The following CSGALNACT1 variants were observed in gnomAD, a reference collection of about 807,000 sequenced individuals.
The protein encoded by CSGALNACT1 is beta4GalNAcT-1.
A neutral mutation model predicts 51.0 loss-of-function variants in CSGALNACT1; 52 were observed. The ratio of observed to expected loss-of-function variants is 1.02; its 90% confidence interval spans 0.82 to 1.29. The LOEUF is 1.29. Ranked by LOEUF, CSGALNACT1 falls within the 50% of genes most tolerant of loss-of-function variation. The pLI is 0.00. For synonymous variants in CSGALNACT1, 341 were observed against 254.4 expected, an observed-to-expected ratio of 1.34 and a Z score of -3.24; for missense variants, 935 against 679.2, an observed-to-expected ratio of 1.38 and a Z score of -4.19.
chr8:19,575,762 T>G (rs965308768), intron 3 of CSGALNACT1, among the ~76,000 whole-genome samples: 3 of 152,174 alleles, frequency 2.0e-5, no homozygotes, highest in Admixed American at 6.5e-5. Context: ...GGATTTACTT[T>G]AAAATATTCC....
At chr8:19,424,314 A>G (rs2058442245) in intron 6 of CSGALNACT1, among the ~76,000 whole-genome samples, 1 of 152,120 alleles carries the variant, frequency 6.6e-6, no homozygotes, top group African/African-American at 2.4e-5. Context: ...CATTATGCTC[A>G]GCTAGGGGTC....
At chr8:19,561,464 G>T (rs1450664474) in intron 3 of CSGALNACT1, among the ~76,000 whole-genome samples, 6 of 152,130 alleles carry the variant, frequency 3.9e-5, no homozygotes, top group Non-Finnish European at 5.9e-5. Context: ...CTATGTATGA[G>T]TCCCTCTCCG....
At chr8:19,710,243 C>G (rs2062420878) in intron 1 of CSGALNACT1, among the ~76,000 whole-genome samples, 1 of 152,164 alleles carries the variant, frequency 6.6e-6, no homozygotes, top group African/African-American at 2.4e-5. Context: ...ATTAACACAG[C>G]ATGACTATAT....
intron 4 of CSGALNACT1, among the ~76,000 whole-genome samples, chr8:19,500,574 G>A (rs552227033): frequency 6.1e-4 from 93 of 152,294 alleles, no homozygotes; most frequent in Non-Finnish European, 1.2e-3. Flanking sequence ...CTCATCCAGA[G>A]AAGCTTTAGC....
At chr8:19,576,744 C>T (rs2044313702) in intron 3 of CSGALNACT1, among the ~76,000 whole-genome samples, 1 of 152,094 alleles carries the variant, frequency 6.6e-6, no homozygotes, top group Non-Finnish European at 1.5e-5. Context: ...ATTGCCCCAT[C>T]AGTCTTACCT....
intron 4 of CSGALNACT1, among the ~76,000 whole-genome samples, chr8:19,468,864 G>C (rs1406640740): frequency 6.6e-6 from 1 of 152,176 alleles, no homozygotes; most frequent in Non-Finnish European, 1.5e-5. Flanking sequence ...ATGTGGGTCA[G>C]GTCAGCCAGG....
At chr8:19,647,037 C>T (rs2057342673) in intron 1 of CSGALNACT1, among the ~76,000 whole-genome samples, 1 of 152,092 alleles carries the variant, frequency 6.6e-6, no homozygotes, top group Non-Finnish European at 1.5e-5. Flanking sequence ...CCACCGAGCA[C>T]CTGTAAGCCT....
At chr8:19,696,563 T>C (rs1276273821) in intron 1 of CSGALNACT1, among the ~76,000 whole-genome samples, 2 of 152,214 alleles carry the variant, frequency 1.3e-5, no homozygotes, top group African/African-American at 2.4e-5. Flanking sequence ...ACAGTGGTTA[T>C]GAACCCAAAC....
intron 1 of CSGALNACT1, among the ~76,000 whole-genome samples, chr8:19,696,400 A>T: frequency 6.6e-6 from 1 of 152,234 alleles, no homozygotes; most frequent in Non-Finnish European, 1.5e-5. Context: ...CCTTCCCTCA[A>T]GGGGCTCACT....
At chr8:19,472,893 TTAAA>T (rs1237821321) in intron 4 of CSGALNACT1, among the ~76,000 whole-genome samples, 13 of 152,206 alleles carry the variant, frequency 8.5e-5, no homozygotes, top group Admixed American at 5.2e-4. Flanking sequence ...ACTTTGAAGA[TTAAA>T]TAAATATATG....
chr8:19,458,586 C>G, exon 5 of CSGALNACT1: 1 of 1,614,094 alleles, frequency 6.2e-7, no homozygotes, highest in Non-Finnish European at 8.5e-7. Context: ...TGTTTGTGGT[C>G]CCCTTTGAAG....
intron 1 of CSGALNACT1, among the ~76,000 whole-genome samples, chr8:19,703,885 C>G (rs73218628): frequency 0.011 from 1,610 of 152,270 alleles, 20 homozygotes; most frequent in Admixed American, 0.033. Context: ...GCTTTCCTCC[C>G]TTATCCTACA....
intron 1 of CSGALNACT1, among the ~76,000 whole-genome samples, chr8:19,627,648 A>G (rs2154167154): frequency 6.6e-6 from 1 of 152,202 alleles, no homozygotes; most frequent in South Asian, 2.1e-4. Context: ...ACAAAGCGAG[A>G]CCTGTCTCGA....
rs111968557 is a variant in CSGALNACT1 at position 19,690,101 on chromosome 8, T to C, written c.-297+67749A>G. On this transcript the variant is annotated intron_variant, in intron 1 of 1. Transcript: ENST00000517494. Reference sequence around the variant, plus strand: ...TATATTGTAGAGACAACTGCAGGTATAAATTTACTACAATCTGGATAAAAC... The same window carrying C: ...TATATTGTAGAGACAACTGCAGGTACAAATTTACTACAATCTGGATAAAAC... Among the ~76,000 whole-genome samples, 23 of 152,346 alleles carry C rather than the reference T, an allele frequency of 1.5e-4. 2 individuals carry two copies. The highest frequency in any genetic ancestry group is 5.5e-4 in the African/African-American group (23 of 41,580).
chr8:19,650,604 C>G (rs561643901), intron 1 of CSGALNACT1, among the ~76,000 whole-genome samples: 1 of 152,116 alleles, frequency 6.6e-6, no homozygotes, highest in Non-Finnish European at 1.5e-5. Flanking sequence ...GTTCCCAAGA[C>G]CATCAGGTGT....
intron 3 of CSGALNACT1, among the ~76,000 whole-genome samples, chr8:19,509,740 C>T (rs1344134320): frequency 6.6e-6 from 1 of 151,718 alleles, no homozygotes; most frequent in Non-Finnish European, 1.5e-5. Context: ...AATCTCTGTG[C>T]AATCTCCTTC....
At chr8:19,541,963 T>A (rs1360378986) in intron 3 of CSGALNACT1, among the ~76,000 whole-genome samples, 2 of 152,142 alleles carry the variant, frequency 1.3e-5, no homozygotes, top group Non-Finnish European at 2.9e-5. Flanking sequence ...GGTCTTCAGT[T>A]ATCACCAAAT....
chr8:19,736,370 A>G (rs2063973417), intron 1 of CSGALNACT1, among the ~76,000 whole-genome samples: 2 of 152,174 alleles, frequency 1.3e-5, no homozygotes, highest in African/African-American at 4.8e-5. Context: ...TTTATTATCC[A>G]GCCCTTTACA....
chr8:19,585,448 G>C (rs2046415057), intron 3 of CSGALNACT1: 1 of 152,198 alleles, frequency 6.6e-6, no homozygotes, highest in South Asian at 2.1e-4. Flanking sequence ...ACAGCTACCT[G>C]AGCATTTTCC....
Sources: allele counts gnomAD v4.1 joint callset (sites outside exome capture counted in the v4.1 genomes callset), GRCh38; gene constraint gnomAD v4.1.1; transcripts MANE v1.5; gene names NCBI Gene and HGNC (gene_info 2026-07-23, HGNC 2026-07-21).